Variants in HDAC9 observed in about 807,000 individuals in gnomAD.
The protein encoded by HDAC9 is MEF-2 interacting transcription repressor (MITR) protein.
In HDAC9, 41 loss-of-function variants were observed where a neutral mutation model predicts 139.4. The ratio of observed to expected loss-of-function variants is 0.29; its 90% CI spans 0.23 to 0.38. HDAC9 has a LOEUF of 0.38. Among genes scored for constraint, HDAC9 ranks in the 10% least tolerant of loss-of-function variants. The pLI, the probability that HDAC9 is intolerant of heterozygous loss-of-function variation, is 1.00. For synonymous variants in HDAC9, 517 were observed against 476.2 expected (o/e 1.09, Z -1.12); for missense variants, 1,147 against 1,297.0 (o/e 0.88, Z 1.78).
intron 2 of HDAC9, among the ~76,000 whole-genome samples, chr7:18,580,703 A>G (rs1047971513): frequency 2.6e-5 from 4 of 152,220 alleles, no homozygotes; most frequent in Admixed American, 6.5e-5. Flanking sequence ...AGGAATTTGC[A>G]TGTTCCCAGA....
intron 1 of HDAC9, among the ~76,000 whole-genome samples, chr7:18,140,225 A>T (rs1374365433): frequency 6.6e-6 from 1 of 152,200 alleles, no homozygotes; most frequent in Non-Finnish European, 1.5e-5. Flanking sequence ...ACCTTCTGAT[A>T]GGAAAACAGT....
At position 18,117,425 on chromosome 7, in the gene HDAC9, G is replaced by A. The variant is rs180707967; in HGVS notation, c.-97+30212G>A. 9.1e-3 allele frequency among the ~76,000 whole-genome samples: 1,383 copies of A among 151,794 alleles called. 10 individuals are homozygous for A. The highest frequency in any genetic ancestry group is 0.014 in the Non-Finnish European group (968 of 67,942). ...CGCGTGAACCTGGGAGGCGGAGCTTGCAGTGAGCCGAGATCGCGCCACTGC... is the reference window on the plus strand; with the variant it reads ...CGCGTGAACCTGGGAGGCGGAGCTTACAGTGAGCCGAGATCGCGCCACTGC... On this transcript the variant is annotated intron_variant, in intron 1 of 12. Coordinates refer to the HDAC9 transcript ENST00000417496.
At chr7:18,595,947 C>G (rs569234240) in intron 6 of HDAC9, among the ~76,000 whole-genome samples, 60 of 152,028 alleles carry the variant, frequency 3.9e-4, no homozygotes, top group African/African-American at 1.4e-3. Context: ...TTTTTTCAAT[C>G]CACAACACAA....
At chr7:18,163,822 G>A (rs994659510) in intron 2 of HDAC9, among the ~76,000 whole-genome samples, 1 of 152,052 alleles carries the variant, frequency 6.6e-6, no homozygotes, top group Non-Finnish European at 1.5e-5. Context: ...TTTAAAAGAG[G>A]CATTAATTTA....
At chr7:18,477,721 T>C (rs1321183614) in intron 1 of HDAC9, among the ~76,000 whole-genome samples, 1 of 152,118 alleles carries the variant, frequency 6.6e-6, no homozygotes, top group African/African-American at 2.4e-5. Flanking sequence ...TTCTTAAAAT[T>C]GGCCATTATT....
chr7:18,160,072 T>G (rs1787517529), intron 1 of HDAC9, among the ~76,000 whole-genome samples: 1 of 152,200 alleles, frequency 6.6e-6, no homozygotes, highest in African/African-American at 2.4e-5. Flanking sequence ...TTAACTGCTG[T>G]TGAATTGTTG....
intron 2 of HDAC9, among the ~76,000 whole-genome samples, chr7:18,529,735 A>C (rs1808214579): frequency 6.6e-6 from 1 of 152,168 alleles, no homozygotes; most frequent in Non-Finnish European, 1.5e-5. Context: ...ATTGTTGAGG[A>C]AAGAGTCTTG....
chr7:18,954,267 G>T (rs1782997041), intron 24 of HDAC9, 37 bp downstream of exon 24: 1 of 1,222,244 alleles, frequency 8.2e-7, no homozygotes, highest in Admixed American at 2.1e-5. Context: ...TTCTAAGCAG[G>T]TAAAACTAAC....
At chr7:18,137,587 G>A in intron 1 of HDAC9, among the ~76,000 whole-genome samples, 1 of 151,028 alleles carries the variant, frequency 6.6e-6, no homozygotes, top group African/African-American at 2.4e-5. Context: ...CTTTGGCTCT[G>A]TTTATATGCT....
chr7:18,846,896 T>A (rs905823713), intron 21 of HDAC9, among the ~76,000 whole-genome samples: 1 of 152,192 alleles, frequency 6.6e-6, no homozygotes. Flanking sequence ...TAATTGGCTC[T>A]AATGAAATCC....
At chr7:18,762,728 A>G (rs1283547293) in intron 15 of HDAC9, among the ~76,000 whole-genome samples, 1 of 152,218 alleles carries the variant, frequency 6.6e-6, no homozygotes, top group Non-Finnish European at 1.5e-5. Flanking sequence ...CATTATTACT[A>G]TGCCCATCAC....
intron 12 of HDAC9, among the ~76,000 whole-genome samples, chr7:18,714,263 C>T (rs772878273): frequency 7.2e-5 from 11 of 152,190 alleles, no homozygotes; most frequent in Admixed American, 1.3e-4. Flanking sequence ...GCCTACTCTA[C>T]GCAAAACATA....
At chr7:18,678,545 G>T (rs1781678153) in intron 12 of HDAC9, among the ~76,000 whole-genome samples, 1 of 151,458 alleles carries the variant, frequency 6.6e-6, no homozygotes, top group African/African-American at 2.4e-5. Context: ...TTCCATTGCT[G>T]TACACATCTT....
intron 12 of HDAC9, among the ~76,000 whole-genome samples, chr7:18,713,740 C>T (rs1171151536): frequency 6.6e-6 from 1 of 152,046 alleles, no homozygotes; most frequent in Non-Finnish European, 1.5e-5. Flanking sequence ...GGCTGAGAAG[C>T]ACCATAGTAG....
intron 1 of HDAC9, among the ~76,000 whole-genome samples, chr7:18,422,409 C>G (rs1789704682): frequency 6.6e-6 from 1 of 152,130 alleles, no homozygotes; most frequent in East Asian, 1.9e-4. Flanking sequence ...GGTGAGGTAG[C>G]CTGGTTGGAG....
chr7:18,742,095 C>G (rs1787513889), intron 13 of HDAC9, among the ~76,000 whole-genome samples: 2 of 152,178 alleles, frequency 1.3e-5, no homozygotes, highest in African/African-American at 2.4e-5. Context: ...ATTACATAAA[C>G]TTAGTTGATA....
At chr7:18,749,438 C>T (rs1358078228) in intron 14 of HDAC9, among the ~76,000 whole-genome samples, 1 of 152,110 alleles carries the variant, frequency 6.6e-6, no homozygotes, top group South Asian at 2.1e-4. Context: ...TTGAGTTGAT[C>T]TTCTGAGAAA....
intron 23 of HDAC9, among the ~76,000 whole-genome samples, chr7:18,939,243 T>G (rs114146148): frequency 0.017 from 2,602 of 152,294 alleles, 70 homozygotes; most frequent in African/African-American, 0.059. Context: ...GCATTAAACT[T>G]TCTTGGGAAC....
intron 25 of HDAC9, among the ~76,000 whole-genome samples, chr7:18,984,470 T>G (rs1443092533): frequency 6.6e-6 from 1 of 151,886 alleles, no homozygotes; most frequent in East Asian, 1.9e-4. Context: ...GAGAGAGAGA[T>G]AACTTAGGTC....
Sources: allele counts gnomAD v4.1 joint callset (sites outside exome capture counted in the v4.1 genomes callset), GRCh38; gene constraint gnomAD v4.1.1; transcripts MANE v1.5; gene names NCBI Gene and HGNC (gene_info 2026-07-23, HGNC 2026-07-21).